Variants in ABTB2 observed in about 807,000 individuals in gnomAD.
ABTB2 encodes the protein ankyrin repeat and BTB/POZ domain-containing protein 2.
In ABTB2, 56 loss-of-function variants were observed where a neutral mutation model predicts 104.1. That is an observed-to-expected ratio of 0.54 (90% CI 0.43 to 0.67). ABTB2 has a LOEUF of 0.67. ABTB2 is among the 30% of genes least tolerant of loss of function. ABTB2 has a pLI of 0.00. For synonymous variants in ABTB2, 606 were observed against 608.2 expected, an observed-to-expected ratio of 1.00 and a Z score of 0.05; for missense variants, 1,279 against 1,407.7, an observed-to-expected ratio of 0.91 and a Z score of 1.46.
intron 1 of ABTB2, among the ~76,000 whole-genome samples, chr11:34,334,289 C>A (rs922048734): frequency 6.6e-6 from 1 of 152,180 alleles, no homozygotes; most frequent in Non-Finnish European, 1.5e-5. Context: ...CTGCCCCAAC[C>A]TAAGAATCCA....
chr11:34,222,210 C>A (rs569986182), intron 1 of ABTB2, among the ~76,000 whole-genome samples: 3 of 152,272 alleles, frequency 2.0e-5, no homozygotes, highest in South Asian at 2.1e-4. Flanking sequence ...GTCTGGGTTG[C>A]ATAAGAGGTT....
intron 4 of ABTB2, among the ~76,000 whole-genome samples, chr11:34,172,371 C>CAAAAAA (rs1230787869): frequency 6.5e-5 from 4 of 61,682 alleles, no homozygotes; most frequent in Admixed American, 2.3e-4. Context: ...AACTCTGTCT[C>CAAAAAA]AAAAAAAAAA....
intron 1 of ABTB2, among the ~76,000 whole-genome samples, chr11:34,226,638 T>C (rs1853691413): frequency 6.6e-6 from 1 of 152,236 alleles, no homozygotes; most frequent in Admixed American, 6.5e-5. Flanking sequence ...GGCTGTTTTT[T>C]CAAAATGAGA....
chr11:34,332,368 C>T (rs148750449), intron 1 of ABTB2, among the ~76,000 whole-genome samples: 6 of 152,290 alleles, frequency 3.9e-5, no homozygotes, highest in East Asian at 1.9e-4. Context: ...GGAAAGGCTA[C>T]GCTAGTAATC....
intron 1 of ABTB2, among the ~76,000 whole-genome samples, chr11:34,328,161 G>A (rs1459498959): frequency 3.3e-5 from 5 of 152,202 alleles, no homozygotes; most frequent in Non-Finnish European, 7.3e-5. Flanking sequence ...GGGTCAGACA[G>A]GTTGGAAGGA....
In ABTB2 at chr11:34,317,400, C is replaced by T. The variant is rs187966491; in HGVS notation, c.883+39301G>A. On this transcript the variant is annotated intron_variant, in intron 1 of 16. Coordinates refer to ENST00000435224, the MANE Select transcript of ABTB2 (RefSeq NM_145804.3). The stretch of plus-strand genomic sequence containing the variant: ...GCATCTTGTATTTTTCCCTTGATTG[C>T]GCTCTGCCCACAGACTGCTCAATAA... Among the ~76,000 whole-genome samples, 17 of 152,202 alleles carry T rather than the reference C, an allele frequency of 1.1e-4. No homozygotes were observed. In the East Asian group the frequency reaches 1.2e-3, roughly 10 times the overall value.
At chr11:34,340,992 T>C (rs1404868411) in intron 1 of ABTB2, among the ~76,000 whole-genome samples, 1 of 152,136 alleles carries the variant, frequency 6.6e-6, no homozygotes, top group Admixed American at 6.5e-5. Context: ...GCAGTGATGG[T>C]AGCAATAGCA....
chr11:34,168,081 C>A lies in ABTB2; in HGVS notation c.1564-89G>T. ...GGCCTCTGCCCCAGAAACCACAGAT[C>A]GGGCACCCCGCCACCCCAGCCGAGC... On this transcript the variant is annotated intron_variant, in intron 5 of 16. Transcript: ENST00000435224. 9.1e-6 allele frequency: 12 copies of A among 1,324,790 alleles called. No homozygotes were observed. In the South Asian group the frequency reaches 1.5e-4, roughly 16 times the overall value. 82.1% of individuals were successfully genotyped at this position (1,324,790 alleles called of 1,614,324 possible). A position where few individuals can be genotyped will look rare whatever the true frequency, so the allele number is the denominator to read the frequency against.
intron 1 of ABTB2, among the ~76,000 whole-genome samples, chr11:34,217,029 C>T (rs1003047512): frequency 6.6e-6 from 1 of 152,222 alleles, no homozygotes; most frequent in Non-Finnish European, 1.5e-5. Flanking sequence ...TCTGCACGAG[C>T]CACCCCTTAA....
chr11:34,200,525 G>GC (rs1853323791), intron 2 of ABTB2, among the ~76,000 whole-genome samples: 1 of 152,184 alleles, frequency 6.6e-6, no homozygotes, highest in Non-Finnish European at 1.5e-5. Flanking sequence ...CTCTGACTGT[G>GC]ACGTCTAAAA....
intron 14 of ABTB2, among the ~76,000 whole-genome samples, chr11:34,155,988 G>T (rs542167825): frequency 1.3e-5 from 2 of 152,354 alleles, no homozygotes; most frequent in East Asian, 1.9e-4. Context: ...CCTCATACAG[G>T]GTTGGGGTTA....
At chr11:34,162,539 T>C (rs373987472) in intron 10 of ABTB2, 37 bp downstream of exon 10, 158 of 1,579,818 alleles carry the variant, frequency 1.0e-4, no homozygotes, top group Non-Finnish European at 1.3e-4. Flanking sequence ...TCCATATGCA[T>C]GCATGGACAT....
intron 1 of ABTB2, among the ~76,000 whole-genome samples, chr11:34,315,609 C>T (rs182258139): frequency 4.3e-4 from 65 of 152,332 alleles, no homozygotes; most frequent in African/African-American, 1.5e-3. Context: ...TCCATCCCTC[C>T]TCCCCTGCCC....
chr11:34,279,934 G>A (rs1854430871), intron 1 of ABTB2, among the ~76,000 whole-genome samples: 1 of 151,796 alleles, frequency 6.6e-6, no homozygotes, highest in Non-Finnish European at 1.5e-5. Flanking sequence ...GACTACAGGT[G>A]CGTGCCACCA....
At chr11:34,299,183 T>C (rs746724129) in intron 1 of ABTB2, among the ~76,000 whole-genome samples, 2 of 152,086 alleles carry the variant, frequency 1.3e-5, no homozygotes, top group Non-Finnish European at 2.9e-5. Context: ...AAAGTCAAAG[T>C]AGGTAAAAAG....
rs201314445 is a variant in ABTB2, at chr11:34,277,479, TA to T, written c.884-72790del. 7.6e-5 allele frequency among the ~76,000 whole-genome samples: 11 copies of T among 143,930 alleles called. No individual in the cohort carries two copies. The East Asian group carries it at 8.1e-4, about 11-fold the overall frequency. The allele number at this position is 143,930 out of a possible 152,430, so 94.4% of individuals were successfully genotyped here. ...CATTTCATTTCCTAAATGTCTTATT[TA>T]AAAAAAAAAACAAACAGATTTGGCT... On this transcript the variant is annotated intron_variant, in intron 1 of 16. Coordinates refer to ENST00000435224, the MANE Select transcript of ABTB2 (RefSeq NM_145804.3).
rs1408142656 is a variant in ABTB2 at position 34,162,618 on chromosome 11, C to T, written c.2176G>A (p.Glu726Lys). The change falls in exon 10 of 17, where the codon GAG becomes AAG. Residue 726 changes from glutamate (E) to lysine (K), a missense_variant. Physicochemically the swap from Glu to Lys is moderately conservative, Grantham distance 56. Coordinates refer to ENST00000435224, the MANE Select transcript of ABTB2 (RefSeq NM_145804.3). The part of the protein sequence containing the change: ...ALQEAMYYSA[E>K]HGYVDITMEL... ...ATGGTGATGTCCACGTAGCCGTGCT[C>T]AGCGCTGTAGTACATGGCCTCCTGT... 1.2e-6 allele frequency: 2 copies of T among 1,613,678 alleles called. No individual in the cohort carries two copies. The highest frequency in any genetic ancestry group is 1.1e-5 in the South Asian group (1 of 91,078).
At chr11:34,276,871 A>G (rs1361968515) in intron 1 of ABTB2, among the ~76,000 whole-genome samples, 3 of 152,210 alleles carry the variant, frequency 2.0e-5, no homozygotes, top group African/African-American at 7.2e-5. Context: ...CCCTTAGCAG[A>G]ACAGTAGGTG....
chr11:34,158,637 GCTC>G (rs763210864), intron 14 of ABTB2, among the ~76,000 whole-genome samples: 43 of 152,324 alleles, frequency 2.8e-4, no homozygotes, highest in Non-Finnish European at 5.4e-4. Context: ...TTTCTAGAAA[GCTC>G]CTCTCAGTGG....
Sources: allele counts gnomAD v4.1 joint callset (sites outside exome capture counted in the v4.1 genomes callset), GRCh38; gene constraint gnomAD v4.1.1; transcripts MANE v1.5; gene names NCBI Gene and HGNC (gene_info 2026-07-23, HGNC 2026-07-21).